PGPEP1L: variants seen among roughly 807,000 people sequenced by gnomAD.
The protein encoded by PGPEP1L is pyroglutamyl-peptidase 1-like protein.
PGPEP1L carries 7 observed loss-of-function variants against 6.0 expected under a neutral mutation model. The ratio of observed to expected loss-of-function variants is 1.17; its 90% confidence interval spans 0.66 to 2.19. The LOEUF (loss-of-function observed/expected upper bound fraction) is 2.19. PGPEP1L is among the 30% of genes most tolerant of loss of function. The pLI is 0.00. For synonymous variants in PGPEP1L, 103 were observed against 83.9 expected, an observed-to-expected ratio of 1.23 and a Z score of -1.24; for missense variants, 209 against 192.5, an observed-to-expected ratio of 1.09 and a Z score of -0.51.
At position 98,979,629 on chromosome 15, in the gene PGPEP1L, TATTC is replaced by T. The variant is rs1160898142; in HGVS notation, c.-141-8475_-141-8472del. Among the ~76,000 whole-genome samples the T allele has an allele frequency of 1.4e-3, 107 of 78,724 alleles. 2 individuals are homozygous for T. The highest frequency in any genetic ancestry group is 4.4e-3 in the South Asian group (7 of 1,596). 51.6% of individuals were successfully genotyped at this position (78,724 alleles called of 152,430 possible). On this transcript the variant is annotated intron_variant, in intron 2 of 4. Transcript: ENST00000535714. The stretch of plus-strand genomic sequence containing the variant: ...TAGCAACCTGGATGGGATTGGAGAC[TATTC>T]TTTTTTTTTTTTTTTTTTTTTTTTT...
At chr15:98,977,153 G>T (rs984883239) in intron 2 of PGPEP1L, among the ~76,000 whole-genome samples, 4 of 152,048 alleles carry the variant, frequency 2.6e-5, no homozygotes, top group South Asian at 2.1e-4. Context: ...CTAAATGAAG[G>T]TTTATCAATT....
At chr15:98,982,995 G>A (rs971326090) in intron 2 of PGPEP1L, among the ~76,000 whole-genome samples, 4 of 152,020 alleles carry the variant, frequency 2.6e-5, no homozygotes, top group African/African-American at 9.7e-5. Context: ...ATAGGCGTGA[G>A]CCACCGCACC....
At chr15:98,977,409 G>C (rs755089742) in intron 2 of PGPEP1L, among the ~76,000 whole-genome samples, 4 of 152,162 alleles carry the variant, frequency 2.6e-5, no homozygotes, top group Non-Finnish European at 5.9e-5. Flanking sequence ...ATTTCAAAAT[G>C]CTTGCTAATT....
At chr15:98,987,185 AAAAAAAAAAAG>A (rs1367300988) in intron 2 of PGPEP1L, among the ~76,000 whole-genome samples, 3 of 150,612 alleles carry the variant, frequency 2.0e-5, no homozygotes, top group African/African-American at 4.9e-5. Context: ...AAAAAAAAAA[AAAAAAAAAAAG>A]AGAGCCAATT....
intron 2 of PGPEP1L, among the ~76,000 whole-genome samples, chr15:98,980,744 CA>C (rs1209640445): frequency 6.6e-6 from 1 of 151,690 alleles, no homozygotes; most frequent in African/African-American, 2.4e-5. Context: ...CCAGCCTGGC[CA>C]AAAGAGTGAA....
chr15:99,007,125 T>G (rs1471685371), intron 1 of PGPEP1L, among the ~76,000 whole-genome samples: 1 of 152,236 alleles, frequency 6.6e-6, no homozygotes, highest in Non-Finnish European at 1.5e-5. Context: ...GCTCCTGGTG[T>G]GGGCTGCAGG....
intron 2 of PGPEP1L, among the ~76,000 whole-genome samples, chr15:98,982,660 G>C (rs543501590): frequency 9.5e-5 from 14 of 146,980 alleles, no homozygotes; most frequent in Non-Finnish European, 1.9e-4. Flanking sequence ...AGATGTCTGA[G>C]GTCTCCCTTC....
intron 2 of PGPEP1L, among the ~76,000 whole-genome samples, chr15:98,982,868 G>A (rs752368400): frequency 4.6e-5 from 7 of 151,758 alleles, no homozygotes; most frequent in Non-Finnish European, 8.8e-5. Flanking sequence ...CAGCCACCAC[G>A]CCCAGCTGAT....
chr15:98,996,741 C>T (rs1555472539), intron 2 of PGPEP1L, among the ~76,000 whole-genome samples: 2 of 152,110 alleles, frequency 1.3e-5, no homozygotes, highest in African/African-American at 4.8e-5. Flanking sequence ...TTACCTTCTG[C>T]TTGCCCAGCC....
intron 2 of PGPEP1L, among the ~76,000 whole-genome samples, chr15:98,998,897 C>T (rs540519875): frequency 6.6e-6 from 1 of 152,288 alleles, no homozygotes; most frequent in South Asian, 2.1e-4. Flanking sequence ...ATCGCTTGAA[C>T]CCGGAAGGCA....
At chr15:99,003,435 A>T (rs1259020236) in intron 2 of PGPEP1L, among the ~76,000 whole-genome samples, 1 of 150,840 alleles carries the variant, frequency 6.6e-6, no homozygotes, top group East Asian at 1.9e-4. Flanking sequence ...CCCCCAGTGC[A>T]ACTTGCAAAC....
At chr15:98,970,955 C>A in intron 3 of PGPEP1L, 81 bp downstream of exon 3, 1 of 1,580,122 alleles carries the variant, frequency 6.3e-7, no homozygotes, top group Admixed American at 1.7e-5. Flanking sequence ...ACCATCAACC[C>A]TAGAACCAGG....
intron 2 of PGPEP1L, among the ~76,000 whole-genome samples, chr15:98,983,691 G>A (rs907262911): frequency 7.9e-5 from 12 of 152,166 alleles, no homozygotes; most frequent in Admixed American, 2.6e-4. Flanking sequence ...AAGAGTGCCC[G>A]TCCTAGTCTG....
chr15:98,983,841 C>G (rs957770465), intron 2 of PGPEP1L, among the ~76,000 whole-genome samples: 2 of 152,066 alleles, frequency 1.3e-5, no homozygotes, highest in Non-Finnish European at 2.9e-5. Flanking sequence ...TTCAAAATAT[C>G]CTTTTCCCAT....
At chr15:98,972,369 A>C (rs111680987) in intron 2 of PGPEP1L, among the ~76,000 whole-genome samples, 4,894 of 150,826 alleles carry the variant, frequency 0.032, 275 homozygotes, top group African/African-American at 0.11. Flanking sequence ...TAAATAAATA[A>C]ATAAATAAAT....
At chr15:98,980,285 G>C (rs187982909) in intron 2 of PGPEP1L, among the ~76,000 whole-genome samples, 90 of 152,204 alleles carry the variant, frequency 5.9e-4, no homozygotes, top group African/African-American at 2.1e-3. Flanking sequence ...ATTTCCCTTG[G>C]AGCAGAGAAA....
At chr15:98,988,301 G>C (rs967874714) in intron 2 of PGPEP1L, among the ~76,000 whole-genome samples, 2 of 152,002 alleles carry the variant, frequency 1.3e-5, no homozygotes, top group Admixed American at 1.3e-4. Flanking sequence ...GAGCTTGGTG[G>C]GGGGGAGGGG....
chr15:98,984,357 A>AT (rs539740412), intron 2 of PGPEP1L, among the ~76,000 whole-genome samples: 62 of 152,224 alleles, frequency 4.1e-4, no homozygotes, highest in Non-Finnish European at 7.9e-4. Flanking sequence ...CTTGATATTG[A>AT]TAAAATTGAC....
intron 2 of PGPEP1L, among the ~76,000 whole-genome samples, chr15:98,977,273 G>A (rs1223484227): frequency 2.6e-5 from 4 of 151,884 alleles, no homozygotes; most frequent in African/African-American, 9.7e-5. Context: ...CCTTTCTTCT[G>A]CTTAGTTTAA....
Sources: allele counts gnomAD v4.1 joint callset (sites outside exome capture counted in the v4.1 genomes callset), GRCh38; gene constraint gnomAD v4.1.1; transcripts MANE v1.5; gene names NCBI Gene and HGNC (gene_info 2026-07-23, HGNC 2026-07-21).